The following SPOCK3 variants were observed in gnomAD, a reference collection of about 807,000 sequenced individuals.
SPOCK3 encodes the protein SPARC (osteonectin), cwcv and kazal like domains proteoglycan 3.
In SPOCK3, 30 loss-of-function variants were observed where a neutral mutation model predicts 56.6. The observed-to-expected ratio is 0.53, with a 90% CI of 0.40 to 0.72. The LOEUF (loss-of-function observed/expected upper bound fraction) is 0.72. Among genes scored for constraint, SPOCK3 ranks in the 30% least tolerant of loss-of-function variants. The pLI is 0.00. For synonymous variants in SPOCK3, 196 were observed against 183.3 expected (o/e 1.07, Z -0.56); for missense variants, 527 against 530.0 (o/e 0.99, Z 0.06).
At chr4:166,898,414 T>C (rs979279490) in intron 5 of SPOCK3, among the ~76,000 whole-genome samples, 1 of 152,072 alleles carries the variant, frequency 6.6e-6, no homozygotes, top group African/African-American at 2.4e-5. Context: ...TAGGGGGTGA[T>C]ACAAGCTTTT....
intron 4 of SPOCK3, among the ~76,000 whole-genome samples, chr4:166,970,922 CT>C (rs1408526982): frequency 1.3e-5 from 2 of 152,066 alleles, no homozygotes; most frequent in African/African-American, 4.8e-5. Context: ...GAGACAGAGT[CT>C]TGTTATGTTG....
At chr4:166,809,701 A>G (rs1023538930) in intron 6 of SPOCK3, among the ~76,000 whole-genome samples, 22 of 152,108 alleles carry the variant, frequency 1.4e-4, no homozygotes, top group African/African-American at 4.6e-4. Context: ...ATCAACTGAC[A>G]TAATATGAGA....
At chr4:166,942,517 A>G (rs927872234) in intron 4 of SPOCK3, among the ~76,000 whole-genome samples, 8 of 152,094 alleles carry the variant, frequency 5.3e-5, no homozygotes, top group Admixed American at 2.0e-4. Flanking sequence ...CAAAAGTTAA[A>G]GCAAAGGCGA....
chr4:167,213,586 T>C (rs1256631830), intron 2 of SPOCK3, among the ~76,000 whole-genome samples: 1 of 152,190 alleles, frequency 6.6e-6, no homozygotes, highest in African/African-American at 2.4e-5. Flanking sequence ...AAAATGGAGC[T>C]AGAGTTTGAA....
chr4:166,775,077 T>C (rs1186938701), intron 7 of SPOCK3, among the ~76,000 whole-genome samples: 1 of 152,050 alleles, frequency 6.6e-6, no homozygotes, highest in Non-Finnish European at 1.5e-5. Context: ...AGCAGAAATA[T>C]AAAGGAAGTG....
chr4:166,959,595 G>A lies in SPOCK3; in HGVS notation c.350+40754C>T, dbSNP rs570248142. On this transcript the variant is annotated intron_variant, in intron 4 of 10. Transcript: ENST00000357545. Reference sequence around the variant, plus strand: ...CCATTGCACTCCAGCCTGGGCAACAGAGCAAGAGTTCGTCTCAAAAAAAGA... The same window carrying A: ...CCATTGCACTCCAGCCTGGGCAACAAAGCAAGAGTTCGTCTCAAAAAAAGA... Among the ~76,000 whole-genome samples, 5 of 143,682 alleles carry A rather than the reference G, an allele frequency of 3.5e-5. No homozygotes were observed. The South Asian group carries it at 1.2e-3, about 33-fold the overall frequency. 94.3% of individuals were successfully genotyped at this position (143,682 alleles called of 152,430 possible).
chr4:166,960,577 G>A (rs945492722), intron 4 of SPOCK3, among the ~76,000 whole-genome samples: 9 of 152,128 alleles, frequency 5.9e-5, no homozygotes, highest in African/African-American at 2.2e-4. Context: ...GATTTCTCAG[G>A]CATCTCAGCC....
intron 2 of SPOCK3, among the ~76,000 whole-genome samples, chr4:167,225,527 T>C (rs367941775): frequency 1.3e-5 from 2 of 152,054 alleles, no homozygotes; most frequent in East Asian, 1.9e-4. Flanking sequence ...ATTACTATTA[T>C]TAAATTAATT....
chr4:166,959,728 A>G (rs1743927033), intron 4 of SPOCK3, among the ~76,000 whole-genome samples: 1 of 152,170 alleles, frequency 6.6e-6, no homozygotes, highest in African/African-American at 2.4e-5. Flanking sequence ...CAATTTTTAA[A>G]CCTTGTAGAG....
At chr4:166,791,743 C>G (rs2126653462) in intron 7 of SPOCK3, among the ~76,000 whole-genome samples, 1 of 152,070 alleles carries the variant, frequency 6.6e-6, no homozygotes, top group Non-Finnish European at 1.5e-5. Context: ...CTCTTGTCTA[C>G]TGATCCATTT....
chr4:166,849,043 T>C (rs1748401269), intron 6 of SPOCK3, among the ~76,000 whole-genome samples: 1 of 152,246 alleles, frequency 6.6e-6, no homozygotes, highest in African/African-American at 2.4e-5. Flanking sequence ...TGTTTTTTAA[T>C]TTCACATGAA....
intron 2 of SPOCK3, among the ~76,000 whole-genome samples, chr4:167,166,284 A>G (rs1262844828): frequency 6.6e-6 from 1 of 152,122 alleles, no homozygotes; most frequent in Admixed American, 6.6e-5. Context: ...AGTACCTAAC[A>G]TTCCAAGAAA....
chr4:166,810,579 C>A (rs1279145832), intron 6 of SPOCK3, among the ~76,000 whole-genome samples: 1 of 151,876 alleles, frequency 6.6e-6, no homozygotes, highest in Non-Finnish European at 1.5e-5. Flanking sequence ...ATTCACAATG[C>A]ATTTTTTCAG....
chr4:166,735,134 A>T, intron 10 of SPOCK3, 44 bp from the exon 11 acceptor site: 3 of 1,141,438 alleles, frequency 2.6e-6, no homozygotes, highest in Non-Finnish European at 2.5e-6. Context: ...TTGACTGAAT[A>T]CTGTCAATTT....
chr4:167,156,100 G>T (rs1764798893), intron 2 of SPOCK3, among the ~76,000 whole-genome samples: 1 of 152,154 alleles, frequency 6.6e-6, no homozygotes, highest in African/African-American at 2.4e-5. Flanking sequence ...ATTCAAAATA[G>T]TATCATAACA....
chr4:167,096,324 GAA>G (rs1759151993), intron 2 of SPOCK3, among the ~76,000 whole-genome samples: 1 of 151,686 alleles, frequency 6.6e-6, no homozygotes, highest in Admixed American at 6.6e-5. Context: ...ATACTTTCTC[GAA>G]TTTTTCTAAG....
intron 8 of SPOCK3, among the ~76,000 whole-genome samples, chr4:166,742,449 A>C (rs1734979550): frequency 6.6e-6 from 1 of 152,170 alleles, no homozygotes; most frequent in Non-Finnish European, 1.5e-5. Context: ...ATCAAGTCAG[A>C]AATGTAAATT....
intron 5 of SPOCK3, among the ~76,000 whole-genome samples, chr4:166,907,604 G>C (rs10018856): frequency 1.3e-5 from 2 of 152,004 alleles, no homozygotes; most frequent in African/African-American, 4.8e-5. Context: ...TAAGGATAGC[G>C]AGTGTTGGAA....
Position 167,145,119 on chromosome 4 carries a change from T to C in SPOCK3, c.190-82582A>G, listed in dbSNP as rs547412814. Among the ~76,000 whole-genome samples, 6 of 152,166 alleles carry C rather than the reference T, an allele frequency of 3.9e-5. No homozygotes were observed. In the South Asian group the frequency reaches 1.2e-3, roughly 32 times the overall value. On this transcript the variant is annotated intron_variant, in intron 2 of 10. Coordinates refer to ENST00000357545, the MANE Select transcript of SPOCK3 (RefSeq NM_001040159.2). ...GGGGAGAAACTGATTCTGGATTTAT[T>C]TGAAATACAGTCAACATGATTTACT... is the stretch of plus-strand genomic sequence containing the variant.
Sources: gnomAD v4.1 joint callset for allele counts (sites outside exome capture counted in the v4.1 genomes callset) on GRCh38, gnomAD v4.1.1 for gene constraint, MANE v1.5 for transcripts, NCBI Gene and HGNC (gene_info 2026-07-23, HGNC 2026-07-21) for gene names.